Variants in BCL2L13 observed in about 807,000 individuals in gnomAD.
BCL2L13 encodes BCL2 like 13.
BCL2L13 carries 13 observed loss-of-function variants against 25.8 expected under a neutral mutation model. The ratio of observed to expected loss-of-function variants is 0.50; its 90% CI spans 0.33 to 0.80. The LOEUF (loss-of-function observed/expected upper bound fraction) is 0.80, where lower values mean the gene tolerates loss of function less well. Among genes scored for constraint, BCL2L13 ranks in the 30% least tolerant of loss-of-function variants. BCL2L13 has a pLI of 0.02. For synonymous variants in BCL2L13, 244 were observed against 230.3 expected (o/e 1.06, Z -0.54); for missense variants, 504 against 574.9 (o/e 0.88, Z 1.26).
chr22:17,700,793 A>G (rs1339781078), intron 5 of BCL2L13, among the ~76,000 whole-genome samples: 4 of 152,328 alleles, frequency 2.6e-5, no homozygotes, highest in African/African-American at 9.6e-5. Flanking sequence ...TAAAGATATT[A>G]TGTGTTCATT....
chr22:17,631,500 G>T (rs2058012539), intron 1 of BCL2L13, among the ~76,000 whole-genome samples: 1 of 151,084 alleles, frequency 6.6e-6, no homozygotes, highest in Non-Finnish European at 1.5e-5. Context: ...ACATCAGAAA[G>T]TACATGATGT....
chr22:17,638,627 C>T (rs560733498), upstream of BCL2L13: 7 of 1,206,156 alleles, frequency 5.8e-6, no homozygotes, highest in South Asian at 2.1e-4. Context: ...GTCTTCAGGT[C>T]ACATCTGGAC....
rs755879144 is a variant in BCL2L13 at position 17,683,222 on chromosome 22, C to T, written c.130C>T (p.Leu44=). 16 of 1,545,684 alleles carry T rather than the reference C, an allele frequency of 1.0e-5. No individual in the cohort carries two copies. In the East Asian group the frequency reaches 2.7e-4, roughly 26 times the overall value. The part of the protein sequence containing the change: ...QHLSSPQGVQ[L]DIASQSLDQE... Reference sequence around the variant, plus strand: ...TTTTTTGTTGCTTTCAGGGGTTCAACTAGATATAGCTTCACAATCTCTGGA... The same window carrying T: ...TTTTTTGTTGCTTTCAGGGGTTCAATTAGATATAGCTTCACAATCTCTGGA... The change falls in exon 3 of 7, where the codon CTA becomes TTA. Residue 44 remains leucine (L), a synonymous_variant. Coordinates refer to ENST00000317582, the MANE Select transcript of BCL2L13 (RefSeq NM_015367.4).
chr22:17,688,112 C>T (rs573254659), intron 3 of BCL2L13, among the ~76,000 whole-genome samples: 2 of 152,346 alleles, frequency 1.3e-5, no homozygotes, highest in Non-Finnish European at 2.9e-5. Context: ...CGCCACCGCG[C>T]CCGGCCTTAA....
chr22:17,640,871 T>G (rs919441551), intron 1 of BCL2L13, among the ~76,000 whole-genome samples: 4 of 141,482 alleles, frequency 2.8e-5, no homozygotes, highest in African/African-American at 1.1e-4. Context: ...ATATGTTTGT[T>G]TATTAATTTT....
chr22:17,659,598 T>C (rs895945019), intron 2 of BCL2L13, among the ~76,000 whole-genome samples: 1 of 144,670 alleles, frequency 6.9e-6, no homozygotes, highest in Non-Finnish European at 1.6e-5. Flanking sequence ...GAGGTGGAGC[T>C]TGCAGTGAAC....
At chr22:17,687,818 CTT>C (rs368432610) in intron 3 of BCL2L13, among the ~76,000 whole-genome samples, 3 of 130,700 alleles carry the variant, frequency 2.3e-5, no homozygotes, top group Admixed American at 8.0e-5. Context: ...CACCCGGCCC[CTT>C]TTTTTTTTTT....
intron 2 of BCL2L13, among the ~76,000 whole-genome samples, chr22:17,668,544 C>T (rs998022684): frequency 1.3e-5 from 2 of 151,604 alleles, no homozygotes; most frequent in Admixed American, 6.6e-5. Flanking sequence ...CCTCCACCTT[C>T]CTGGGTTCAA....
At chr22:17,707,020 G>A (rs1298745372) in intron 6 of BCL2L13, among the ~76,000 whole-genome samples, 1 of 152,092 alleles carries the variant, frequency 6.6e-6, no homozygotes, top group Non-Finnish European at 1.5e-5. Flanking sequence ...GTTTTTGTTT[G>A]TTTAATCTAG....
intron 4 of BCL2L13, among the ~76,000 whole-genome samples, chr22:17,694,757 A>G (rs1204503259): frequency 3.3e-5 from 5 of 152,174 alleles, no homozygotes; most frequent in Non-Finnish European, 5.9e-5. Context: ...CAGGCCAACA[A>G]CTGTGGTGAG....
chr22:17,634,994 A>T (rs1405411715), upstream of BCL2L13, among the ~76,000 whole-genome samples: 1 of 151,816 alleles, frequency 6.6e-6, no homozygotes. Context: ...CAACTGATGA[A>T]TGCAAATGAA....
intron 2 of BCL2L13, among the ~76,000 whole-genome samples, chr22:17,672,912 A>G (rs191155101): frequency 2.6e-5 from 4 of 152,100 alleles, no homozygotes; most frequent in Non-Finnish European, 5.9e-5. Flanking sequence ...GGGTATGTAG[A>G]TTTTCCAAAA....
chr22:17,726,954 G>C lies in BCL2L13; in HGVS notation c.878G>C (p.Gly293Ala). ...GAAGTGAAAAGCTTAGACAGCAACG[G>C]AGCTGGAGAGAAGAGTGAGAACAAC... ...PEEVKSLDSN[G>A]AGEKSENNSS... Residue 293 changes from glycine to alanine, a missense_variant, in exon 7 of 7, where the codon GGA (glycine) becomes GCA (alanine). Transcript: ENST00000317582. 6.2e-7 allele frequency: 1 copy of C among 1,614,178 alleles called. No homozygotes were observed.
At chr22:17,672,613 T>C (rs937861784) in intron 2 of BCL2L13, among the ~76,000 whole-genome samples, 2 of 152,202 alleles carry the variant, frequency 1.3e-5, no homozygotes, top group African/African-American at 4.8e-5. Flanking sequence ...AATCACTGAA[T>C]CTCTCTGTGT....
intron 4 of BCL2L13, among the ~76,000 whole-genome samples, chr22:17,694,886 G>A (rs2060217265): frequency 6.6e-6 from 1 of 152,226 alleles, no homozygotes; most frequent in Non-Finnish European, 1.5e-5. Context: ...TCTGTGGTCA[G>A]AGAGATCTGA....
intron 2 of BCL2L13, among the ~76,000 whole-genome samples, chr22:17,674,560 C>T (rs189980802): frequency 8.8e-5 from 13 of 148,336 alleles, no homozygotes; most frequent in Admixed American, 6.8e-4. Flanking sequence ...GAGTAGAGAT[C>T]GTGCCACTGC....
intron 4 of BCL2L13, among the ~76,000 whole-genome samples, chr22:17,694,856 T>C (rs776778761): frequency 1.2e-4 from 19 of 152,242 alleles, no homozygotes; most frequent in Non-Finnish European, 2.8e-4. Flanking sequence ...TACAACCGTC[T>C]TCCCTGATTC....
intron 5 of BCL2L13, among the ~76,000 whole-genome samples, chr22:17,700,573 G>C (rs945973793): frequency 6.6e-6 from 1 of 152,112 alleles, no homozygotes; most frequent in Non-Finnish European, 1.5e-5. Context: ...TGATACACAG[G>C]TTAGCACCAC....
At chr22:17,671,211 G>A (rs1445388717) in intron 2 of BCL2L13, among the ~76,000 whole-genome samples, 4 of 152,004 alleles carry the variant, frequency 2.6e-5, no homozygotes, top group East Asian at 1.9e-4. Context: ...TGGCTAAGAC[G>A]GTGAAACCCC....
Sources: gnomAD v4.1 joint callset for allele counts (sites outside exome capture counted in the v4.1 genomes callset) on GRCh38, gnomAD v4.1.1 for gene constraint, MANE v1.5 for transcripts, NCBI Gene and HGNC (gene_info 2026-07-23, HGNC 2026-07-21) for gene names.